Variants in DNAH12 observed in about 807,000 individuals in gnomAD.
The protein encoded by DNAH12 is axonemal beta dynein heavy chain 12.
DNAH12 carries 285 observed loss-of-function variants against 371.5 expected under a neutral mutation model. That is an observed-to-expected ratio of 0.77 (90% confidence interval 0.70 to 0.85). The LOEUF (loss-of-function observed/expected upper bound fraction) is 0.85, where lower values mean the gene tolerates loss of function less well. Ranked by LOEUF, DNAH12 falls within the 40% of genes least tolerant of loss-of-function variation. DNAH12 has a pLI of 0.00. For synonymous variants in DNAH12, 1,200 were observed against 1,213.0 expected, an observed-to-expected ratio of 0.99 and a Z score of 0.22; for missense variants, 3,611 against 3,689.4, an observed-to-expected ratio of 0.98 and a Z score of 0.55.
chr3:57,433,572 G>T (rs77987320), intron 31 of DNAH12, 65 bp from the exon 32 acceptor site: 30,293 of 1,535,476 alleles, frequency 0.02, 391 homozygotes, highest in Admixed American at 0.024. Context: ...GTAAAACTAT[G>T]AAAATACTTC....
At chr3:57,500,662 A>G (rs746009154) in intron 11 of DNAH12, among the ~76,000 whole-genome samples, 1 of 152,160 alleles carries the variant, frequency 6.6e-6, no homozygotes, top group Non-Finnish European at 1.5e-5. Context: ...CCCAAAGCAA[A>G]CAACACTTTG....
Position 57,510,067 on chromosome 3 carries a change from A to G in DNAH12, c.469+723T>C, listed in dbSNP as rs62260463. ...ACACATATTTCAAAACGTATTGTAC[A>G]TGATAATTATATACAATTTTTATTT... On this transcript the variant is annotated intron_variant, in intron 5 of 73. Transcript: ENST00000495027. Among the ~76,000 whole-genome samples the G allele has an allele frequency of 2.5e-3, 376 of 152,112 alleles. 2 individuals are homozygous for G. Among genetic ancestry groups the G allele is most frequent in the Non-Finnish European group, 4.0e-3 (272 of 67,968 alleles).
intron 2 of DNAH12, among the ~76,000 whole-genome samples, chr3:57,529,389 C>T (rs1816948): frequency 0.27 from 40,581 of 151,924 alleles, 7,416 homozygotes; most frequent in African/African-American, 0.51. Flanking sequence ...TGCTGGAAGA[C>T]GTTTTATTAT....
chr3:57,456,175 A>G (rs1328980219), intron 22 of DNAH12, among the ~76,000 whole-genome samples: 1 of 152,228 alleles, frequency 6.6e-6, no homozygotes, highest in Non-Finnish European at 1.5e-5. Flanking sequence ...GATTAAAGAA[A>G]TACTTTCATG....
At chr3:57,368,904 C>A (rs2063107214) in intron 55 of DNAH12, among the ~76,000 whole-genome samples, 1 of 152,012 alleles carries the variant, frequency 6.6e-6, no homozygotes, top group African/African-American at 2.4e-5. Context: ...ATTAAATTTT[C>A]TTTTAAAAAT....
chr3:57,538,638 C>G (rs2069150847), intron 2 of DNAH12, among the ~76,000 whole-genome samples: 1 of 152,206 alleles, frequency 6.6e-6, no homozygotes, highest in Non-Finnish European at 1.5e-5. Flanking sequence ...ACTTACACTA[C>G]CTGCTGGTTG....
chr3:57,468,452 A>G (rs1559692215), intron 17 of DNAH12, among the ~76,000 whole-genome samples: 2 of 151,930 alleles, frequency 1.3e-5, no homozygotes, highest in Non-Finnish European at 2.9e-5. Context: ...GCAAAACCCC[A>G]TCTCTTCAAA....
At chr3:57,459,133 G>C (rs2065982130) in intron 20 of DNAH12, among the ~76,000 whole-genome samples, 1 of 152,214 alleles carries the variant, frequency 6.6e-6, no homozygotes, top group Admixed American at 6.5e-5. Context: ...TACTGGGAGA[G>C]ACATAGGAAC....
intron 43 of DNAH12, among the ~76,000 whole-genome samples, chr3:57,401,583 G>C (rs6790713): frequency 8.7e-6 from 1 of 114,888 alleles, no homozygotes; most frequent in Admixed American, 9.5e-5. Context: ...AAAAAAAAAA[G>C]AAGAAGAAGA....
chr3:57,390,150 A>G (rs1233640561), intron 45 of DNAH12, among the ~76,000 whole-genome samples: 1 of 148,202 alleles, frequency 6.7e-6, no homozygotes, highest in Admixed American at 6.7e-5. Context: ...ACCAATATTG[A>G]CTTAGGGCTG....
intron 1 of DNAH12, among the ~76,000 whole-genome samples, chr3:57,543,897 A>C (rs2069410128): frequency 6.6e-6 from 1 of 151,758 alleles, no homozygotes; most frequent in Non-Finnish European, 1.5e-5. Context: ...AAATACAAAA[A>C]TTAGCCGGGC....
chr3:57,446,496 G>A (rs1575610690), intron 26 of DNAH12, 41 bp downstream of exon 26: 1 of 1,499,758 alleles, frequency 6.7e-7, no homozygotes, highest in East Asian at 2.5e-5. Context: ...CTAGCTGTAA[G>A]TTTGAAACAT....
intron 65 of DNAH12, among the ~76,000 whole-genome samples, chr3:57,315,279 G>A (rs1455938856): frequency 6.6e-6 from 1 of 151,632 alleles, no homozygotes; most frequent in Non-Finnish European, 1.5e-5. Flanking sequence ...TCCAAATCCA[G>A]TGAAAATCCA....
At chr3:57,372,513 T>G (rs1464271102) in intron 55 of DNAH12, among the ~76,000 whole-genome samples, 1 of 151,968 alleles carries the variant, frequency 6.6e-6, no homozygotes, top group East Asian at 1.9e-4. Context: ...ATAAAGAGAA[T>G]GTATTATAGA....
chr3:57,433,397 GCTCT>G lies in DNAH12; in HGVS notation c.4946_4949del (p.Glu1649AlafsTer2). ...TATTATCATCCAATACTGTGTTCAT[GCTCT>G]CTATCCACAAAGTGTCAATAGGACC... On this transcript the variant is annotated frameshift_variant, in exon 32 of 74. Coordinates refer to ENST00000495027, the MANE Select transcript of DNAH12 (RefSeq NM_001366028.2). LOFTEE classifies it high-confidence loss of function. 6.4e-7 allele frequency: 1 copy of G among 1,551,178 alleles called. No homozygotes were observed. The highest frequency in any genetic ancestry group is 8.7e-7 in the Non-Finnish European group (1 of 1,146,840).
rs1023778445 is a variant in DNAH12, at chr3:57,471,695, A to G, written c.1777-89T>C. 3.3e-5 allele frequency: 38 copies of G among 1,165,958 alleles called. 1 individual carries two copies. The East Asian group carries it at 1.1e-3, about 35-fold the overall frequency. The allele number at this position is 1,165,958 out of a possible 1,614,324, so 72.2% of individuals were successfully genotyped here. The stretch of plus-strand genomic sequence containing the variant: ...CCAAATACTGTGTATAATAATAAAA[A>G]CCATCAGAGAAGTAAAAATGAGTAC... On this transcript the variant is annotated intron_variant, in intron 14 of 73. Coordinates refer to ENST00000495027, the MANE Select transcript of DNAH12 (RefSeq NM_001366028.2).
chr3:57,544,927 T>A (rs1451465450), upstream of DNAH12, among the ~76,000 whole-genome samples: 1 of 151,228 alleles, frequency 6.6e-6, no homozygotes, highest in Admixed American at 6.6e-5. Flanking sequence ...ATACTGCCGG[T>A]GTGTTAACAG....
chr3:57,470,076 G>A (rs1269671867), intron 16 of DNAH12, among the ~76,000 whole-genome samples: 2 of 151,956 alleles, frequency 1.3e-5, no homozygotes, highest in Admixed American at 1.3e-4. Context: ...TTAATCTATT[G>A]TATTAAAAAG....
intron 30 of DNAH12, among the ~76,000 whole-genome samples, chr3:57,436,574 G>A (rs912689839): frequency 1.1e-4 from 16 of 152,160 alleles, no homozygotes; most frequent in African/African-American, 3.9e-4. Flanking sequence ...GTAGGTCTCT[G>A]GATCAAGAGG....
Sources: allele counts gnomAD v4.1 joint callset (sites outside exome capture counted in the v4.1 genomes callset), GRCh38; gene constraint gnomAD v4.1.1; transcripts MANE v1.5; gene names NCBI Gene and HGNC (gene_info 2026-07-23, HGNC 2026-07-21).